The following HDDC2 variants were observed in gnomAD, a reference collection of about 807,000 sequenced individuals.
HDDC2 encodes the protein HD domain containing 2, also known as 5'-deoxynucleotidase HDDC2.
In HDDC2, 25 loss-of-function variants were observed where a neutral mutation model predicts 25.5. The ratio of observed to expected loss-of-function variants is 0.98; its 90% CI spans 0.72 to 1.37. HDDC2 has a LOEUF of 1.37. HDDC2 is among the 40% of genes most tolerant of loss of function. HDDC2 has a pLI of 0.00. For synonymous variants in HDDC2, 106 were observed against 89.7 expected, an observed-to-expected ratio of 1.18 and a Z score of -1.03; for missense variants, 264 against 253.1, an observed-to-expected ratio of 1.04 and a Z score of -0.29.
At chr6:125,294,382 T>C (rs1798674941) in intron 3 of HDDC2, among the ~76,000 whole-genome samples, 1 of 152,230 alleles carries the variant, frequency 6.6e-6, no homozygotes, top group South Asian at 2.1e-4. Context: ...ATCACCATCT[T>C]GAATGGCTTG....
chr6:125,288,712 CA>C (rs1213552713), intron 4 of HDDC2, among the ~76,000 whole-genome samples: 1 of 145,872 alleles, frequency 6.9e-6, no homozygotes, highest in African/African-American at 2.7e-5. Flanking sequence ...CTTATGCAGC[CA>C]AAAAACACAT....
intron 1 of HDDC2, among the ~76,000 whole-genome samples, chr6:125,301,086 A>G (rs1798794543): frequency 6.6e-6 from 1 of 152,158 alleles, no homozygotes; most frequent in Non-Finnish European, 1.5e-5. Flanking sequence ...GGCACAAGGG[A>G]TAAGGGCACT....
At chr6:125,287,333 G>A (rs1798553955) in intron 4 of HDDC2, among the ~76,000 whole-genome samples, 1 of 152,294 alleles carries the variant, frequency 6.6e-6, no homozygotes, top group South Asian at 2.1e-4. Context: ...TTTGTTGGGG[G>A]AGGGTGTTTC....
rs553957889 is a variant in HDDC2, at chr6:125,296,953, G to T, written c.309+1761C>A. 3.3e-5 allele frequency among the ~76,000 whole-genome samples: 5 copies of T among 152,332 alleles called. No individual in the cohort carries two copies. The South Asian group carries it at 1.0e-3, about 32-fold the overall frequency. ...GTTTTGACTTGCTCCTCTGCGGAGT[G>T]AATCTCAAATTCACTGTGTGCTTCC... On this transcript the variant is annotated intron_variant, in intron 3 of 5. Coordinates refer to ENST00000398153, the MANE Select transcript of HDDC2 (RefSeq NM_016063.3).
intron 4 of HDDC2, 88 bp downstream of exon 4, chr6:125,292,750 CTTG>C (rs1289541839): frequency 1.7e-5 from 17 of 977,502 alleles, no homozygotes; most frequent in Admixed American, 3.5e-5. Context: ...TTAGGGACCG[CTTG>C]TTAAGATCAT....
At chr6:125,301,442 T>TACACACACACACACAC (rs3039619) in intron 1 of HDDC2, among the ~76,000 whole-genome samples, 3,552 of 145,152 alleles carry the variant, frequency 0.024, 68 homozygotes, top group African/African-American at 0.032. Flanking sequence ...AGCCGCGCTT[T>TACACACACACACACAC]ACACACACAC....
chr6:125,288,211 G>C (rs1018277840), intron 4 of HDDC2, among the ~76,000 whole-genome samples: 1 of 152,190 alleles, frequency 6.6e-6, no homozygotes, highest in Non-Finnish European at 1.5e-5. Flanking sequence ...ATAAAATCAG[G>C]GGAGAAGTGA....
chr6:125,280,876 G>A (rs1382032755), intron 4 of HDDC2, among the ~76,000 whole-genome samples: 1 of 152,200 alleles, frequency 6.6e-6, no homozygotes, highest in African/African-American at 2.4e-5. Flanking sequence ...CTAAGGGACA[G>A]ACTCTCTCCC....
intron 3 of HDDC2, among the ~76,000 whole-genome samples, chr6:125,298,240 G>C (rs1338508369): frequency 6.6e-6 from 1 of 152,016 alleles, no homozygotes; most frequent in Non-Finnish European, 1.5e-5. Context: ...AAAATAAAAG[G>C]TGAAATTAAC....
At chr6:125,300,710 T>A (rs370457361) in intron 1 of HDDC2, 51 bp from the exon 2 acceptor site, 26 of 1,550,652 alleles carry the variant, frequency 1.7e-5, no homozygotes, top group Non-Finnish European at 2.3e-5. Flanking sequence ...ATATTAACTA[T>A]CTGCTATGCT....
chr6:125,279,931 A>C (rs1376757905), intron 4 of HDDC2, among the ~76,000 whole-genome samples: 1 of 152,250 alleles, frequency 6.6e-6, no homozygotes, highest in East Asian at 1.9e-4. Flanking sequence ...AAAATGATAC[A>C]AGATGAGATT....
At chr6:125,279,863 TTACATTTTA>T (rs1477043066) in intron 4 of HDDC2, among the ~76,000 whole-genome samples, 1 of 152,116 alleles carries the variant, frequency 6.6e-6, no homozygotes, top group Non-Finnish European at 1.5e-5. Context: ...AAAAAGATAA[TTACATTTTA>T]AAAAGAGAAC....
chr6:125,300,660 C>A lies in HDDC2; in HGVS notation c.85-1G>T, dbSNP rs1455537687. ...ATACCCAGCCAGTTCGTGGGACTCT[C>A]TGATAAATATGAAGAAGAAAAAGAA... On this transcript the variant is annotated splice_acceptor_variant, in intron 1 of 5. Coordinates refer to ENST00000398153, the MANE Select transcript of HDDC2 (RefSeq NM_016063.3). LOFTEE classifies it high-confidence loss of function. The A allele has an allele frequency of 6.2e-7, 1 of 1,609,486 alleles. No individual in the cohort carries two copies. The highest frequency in any genetic ancestry group is 8.5e-7 in the Non-Finnish European group (1 of 1,178,824).
At chr6:125,289,311 T>C (rs1170240523) in intron 4 of HDDC2, among the ~76,000 whole-genome samples, 2 of 113,402 alleles carry the variant, frequency 1.8e-5, no homozygotes, top group Non-Finnish European at 3.4e-5. Context: ...AAGGGGAATA[T>C]CACACTCTGG....
intron 1 of HDDC2, among the ~76,000 whole-genome samples, chr6:125,300,988 C>G (rs954398833): frequency 1.3e-5 from 2 of 152,052 alleles, no homozygotes; most frequent in African/African-American, 4.8e-5. Flanking sequence ...AGAGTTGCGG[C>G]TTTTTGCCTT....
intron 4 of HDDC2, among the ~76,000 whole-genome samples, chr6:125,290,776 T>C (rs1208021943): frequency 1.3e-5 from 2 of 152,266 alleles, no homozygotes; most frequent in African/African-American, 4.8e-5. Flanking sequence ...TCAGGCTTCA[T>C]TAATTCAACC....
intron 4 of HDDC2, among the ~76,000 whole-genome samples, chr6:125,281,385 G>A (rs75101083): frequency 0.019 from 2,924 of 152,288 alleles, 88 homozygotes; most frequent in African/African-American, 0.067. Context: ...GTAGGATTCA[G>A]AAGGTGGGTA....
At position 125,298,710 on chromosome 6, in the gene HDDC2, T is replaced by G. The variant is rs1231830182; in HGVS notation, c.309+4A>C. 6.2e-7 allele frequency: 1 copy of G among 1,610,690 alleles called. No individual in the cohort carries two copies. The highest frequency in any genetic ancestry group is 1.3e-5 in the African/African-American group (1 of 75,002). On this transcript the variant is annotated splice_donor_region_variant and intron_variant, in intron 3 of 5. Coordinates refer to ENST00000398153, the MANE Select transcript of HDDC2 (RefSeq NM_016063.3). ...TTTTTGCACAGTCAATAGTCAACAC[T>G]GACCTCTTCTCGCCTATGTTTTTCT...
At chr6:125,290,103 C>G (rs1412274048) in intron 4 of HDDC2, among the ~76,000 whole-genome samples, 8 of 151,942 alleles carry the variant, frequency 5.3e-5, no homozygotes, top group Non-Finnish European at 8.8e-5. Context: ...TTTCTAAAAC[C>G]AATCAACTGT....
Sources: gnomAD v4.1 joint callset for allele counts (sites outside exome capture counted in the v4.1 genomes callset) on GRCh38, gnomAD v4.1.1 for gene constraint, MANE v1.5 for transcripts, NCBI Gene and HGNC (gene_info 2026-07-23, HGNC 2026-07-21) for gene names.